ARHGAP26: variants seen among roughly 807,000 people sequenced by gnomAD.
ARHGAP26 encodes the protein rho GTPase-activating protein 26.
In ARHGAP26, 38 loss-of-function variants were observed where a neutral mutation model predicts 104.8. The ratio of observed to expected loss-of-function variants is 0.36; its 90% CI spans 0.28 to 0.48. The LOEUF is 0.48. Among genes scored for constraint, ARHGAP26 ranks in the 20% least tolerant of loss-of-function variants. The probability of loss-of-function intolerance (pLI) is 0.99; values close to 1 mark genes in which losing one functional copy is unlikely to be tolerated. For synonymous variants in ARHGAP26, 341 were observed against 340.0 expected (o/e 1.00, Z -0.03); for missense variants, 704 against 947.9 (o/e 0.74, Z 3.38).
chr5:142,913,365 C>A, intron 10 of ARHGAP26, 72 bp downstream of exon 10: 4 of 1,407,972 alleles, frequency 2.8e-6, no homozygotes, highest in Non-Finnish European at 4.0e-6. Context: ...TCTTTCCAGT[C>A]AAACCTTTTC....
At chr5:143,106,963 C>T (rs1482378665) in intron 17 of ARHGAP26, among the ~76,000 whole-genome samples, 1 of 152,202 alleles carries the variant, frequency 6.6e-6, no homozygotes, top group African/African-American at 2.4e-5. Context: ...TCCTGGCCTA[C>T]CTAAGTTGGT....
intron 20 of ARHGAP26, among the ~76,000 whole-genome samples, chr5:143,161,853 G>A (rs1562530764): frequency 6.6e-6 from 1 of 152,134 alleles, no homozygotes; most frequent in Non-Finnish European, 1.5e-5. Flanking sequence ...TCTGGGTTTC[G>A]AGCAAATTGG....
chr5:143,179,662 TG>T (rs1730515774), intron 20 of ARHGAP26, among the ~76,000 whole-genome samples: 1 of 152,236 alleles, frequency 6.6e-6, no homozygotes, highest in Admixed American at 6.5e-5. Context: ...GAGGGTTTCT[TG>T]GGCCTTTTCT....
intron 11 of ARHGAP26, among the ~76,000 whole-genome samples, chr5:142,937,085 T>G (rs1765528863): frequency 6.6e-6 from 1 of 152,160 alleles, no homozygotes; most frequent in South Asian, 2.1e-4. Context: ...GAAAAGGCAG[T>G]CTACAGAATG....
At chr5:143,006,330 T>G (rs1338554056) in intron 11 of ARHGAP26, among the ~76,000 whole-genome samples, 2 of 151,434 alleles carry the variant, frequency 1.3e-5, no homozygotes, top group Non-Finnish European at 2.9e-5. Context: ...TTTTTTTTTT[T>G]TTTTTTTTAA....
chr5:143,055,401 A>G (rs1364067451), intron 15 of ARHGAP26, among the ~76,000 whole-genome samples: 1 of 152,196 alleles, frequency 6.6e-6, no homozygotes, highest in African/African-American at 2.4e-5. Flanking sequence ...GAATTAAGGG[A>G]CCCAATGAGA....
chr5:143,187,819 C>G (rs1380340780), intron 20 of ARHGAP26, among the ~76,000 whole-genome samples: 3 of 152,180 alleles, frequency 2.0e-5, no homozygotes, highest in Non-Finnish European at 4.4e-5. Context: ...GCACTCTATC[C>G]ATTGGGAGCT....
At chr5:142,771,404 C>G (rs1325644481) in intron 1 of ARHGAP26, 12 of 1,231,716 alleles carry the variant, frequency 9.7e-6, no homozygotes, top group Non-Finnish European at 1.1e-5. Flanking sequence ...GCTCCCTGTA[C>G]GCAGCTCCAG....
chr5:142,840,090 G>A (rs1279149611), intron 1 of ARHGAP26, among the ~76,000 whole-genome samples: 1 of 152,180 alleles, frequency 6.6e-6, no homozygotes, highest in Non-Finnish European at 1.5e-5. Context: ...GGGATGGGAT[G>A]TATGGGTGTG....
intron 17 of ARHGAP26, among the ~76,000 whole-genome samples, chr5:143,115,650 G>A (rs1339466271): frequency 6.6e-6 from 1 of 152,098 alleles, no homozygotes; most frequent in Non-Finnish European, 1.5e-5. Context: ...CAGCCACCAT[G>A]ACAAGAGCAG....
intron 4 of ARHGAP26, among the ~76,000 whole-genome samples, chr5:142,881,961 T>A (rs1319720696): frequency 6.6e-6 from 1 of 152,218 alleles, no homozygotes; most frequent in Non-Finnish European, 1.5e-5. Flanking sequence ...TTGGGCATTC[T>A]TATGCTAATG....
intron 19 of ARHGAP26, among the ~76,000 whole-genome samples, chr5:143,138,941 CA>C (rs1798205444): frequency 6.6e-6 from 1 of 152,280 alleles, no homozygotes; most frequent in South Asian, 2.1e-4. Context: ...CACTGTTAAC[CA>C]GTCGTTATTT....
At chr5:142,990,095 C>G (rs1775370067) in intron 11 of ARHGAP26, among the ~76,000 whole-genome samples, 1 of 152,178 alleles carries the variant, frequency 6.6e-6, no homozygotes, top group Admixed American at 6.5e-5. Flanking sequence ...GTACACCAAT[C>G]AGATGTAGAT....
rs548941334 is a variant in ARHGAP26, at chr5:143,001,018, C to T, written c.1108-13062C>T. Among the ~76,000 whole-genome samples the T allele has an allele frequency of 2.6e-5, 4 of 151,858 alleles. No homozygotes were observed. The East Asian group carries it at 7.7e-4, about 29-fold the overall frequency. Reference sequence around the variant, plus strand: ...ATGTAACAAACCTGCATGTTCTGCACATGTATCCCAGAACTTAAAAAAAAA... The same window carrying T: ...ATGTAACAAACCTGCATGTTCTGCATATGTATCCCAGAACTTAAAAAAAAA... On this transcript the variant is annotated intron_variant, in intron 11 of 22. Transcript: ENST00000645722.
At chr5:142,798,143 T>C (rs1176920149) in intron 1 of ARHGAP26, among the ~76,000 whole-genome samples, 3 of 152,202 alleles carry the variant, frequency 2.0e-5, no homozygotes, top group Non-Finnish European at 4.4e-5. Flanking sequence ...CATATGCCAC[T>C]TCAGTGCTTA....
intron 20 of ARHGAP26, among the ~76,000 whole-genome samples, chr5:143,172,645 C>T (rs1802939830): frequency 6.6e-6 from 1 of 152,172 alleles, no homozygotes; most frequent in Admixed American, 6.5e-5. Context: ...TGATTAAATA[C>T]AGAGTCTGAT....
intron 14 of ARHGAP26, among the ~76,000 whole-genome samples, chr5:143,053,076 T>A (rs1785267519): frequency 6.6e-6 from 1 of 152,194 alleles, no homozygotes; most frequent in South Asian, 2.1e-4. Context: ...CCATTTCTGC[T>A]TATCTTGTCT....
rs1764997622 is a variant in ARHGAP26 at position 142,933,427 on chromosome 5, T to C, written c.1107+1302T>C. On this transcript the variant is annotated intron_variant, in intron 11 of 22. Transcript: ENST00000645722. ...AACTTGCCCCAAGTAGCACAGATAG[T>C]AAATGGCTATATTAGTAGGGTACAG... 2.0e-5 allele frequency among the ~76,000 whole-genome samples: 3 copies of C among 152,186 alleles called. No homozygotes were observed. The South Asian group carries it at 6.2e-4, about 31-fold the overall frequency.
intron 21 of ARHGAP26, among the ~76,000 whole-genome samples, chr5:143,213,498 C>T (rs1809840328): frequency 6.6e-6 from 1 of 152,210 alleles, no homozygotes. Flanking sequence ...TCAGGAACAT[C>T]TGGGAGAGCT....
Sources: gnomAD v4.1 joint callset for allele counts (sites outside exome capture counted in the v4.1 genomes callset) on GRCh38, gnomAD v4.1.1 for gene constraint, MANE v1.5 for transcripts, NCBI Gene and HGNC (gene_info 2026-07-23, HGNC 2026-07-21) for gene names.